LPIN1: variants seen among roughly 807,000 people sequenced by gnomAD.
LPIN1 encodes lipin 1.
Under a neutral mutation model 107.5 loss-of-function variants are expected in LPIN1, and 71 were observed. The observed-to-expected ratio is 0.66, with a 90% CI of 0.55 to 0.80. LPIN1 has a LOEUF of 0.80. LPIN1 is among the 30% of genes least tolerant of loss of function. The pLI, the probability that LPIN1 is intolerant of heterozygous loss-of-function variation, is 0.00. For missense variants in LPIN1, 1,043 were observed against 1,160.6 expected, an observed-to-expected ratio of 0.90 and a Z score of 1.47; for synonymous variants, 445 against 452.6, an observed-to-expected ratio of 0.98 and a Z score of 0.21.
chr2:11,784,741 G>T (rs929553123), intron 9 of LPIN1, 145 bp from the exon 10 acceptor site: 6 of 791,816 alleles, frequency 7.6e-6, no homozygotes, highest in African/African-American at 3.4e-5. Context: ...TTTCCTTGTC[G>T]TGGTGCTTTA....
intron 6 of LPIN1, among the ~76,000 whole-genome samples, chr2:11,779,023 C>T (rs1047395123): frequency 1.6e-4 from 24 of 152,188 alleles, no homozygotes; most frequent in African/African-American, 5.6e-4. Flanking sequence ...ATTGGCACAT[C>T]ATATAATTTC....
chr2:11,740,722 A>AAAG (rs1410304968), intron 1 of LPIN1, among the ~76,000 whole-genome samples: 1 of 148,400 alleles, frequency 6.7e-6, no homozygotes, highest in African/African-American at 2.5e-5. Context: ...GAAAGAAAAG[A>AAAG]AAAGAAAGAA....
chr2:11,728,755 T>C (rs1283737887), intron 1 of LPIN1, among the ~76,000 whole-genome samples: 1 of 152,210 alleles, frequency 6.6e-6, no homozygotes, highest in Non-Finnish European at 1.5e-5. Flanking sequence ...TAAATACTTT[T>C]ATAATTCTAT....
intron 1 of LPIN1, among the ~76,000 whole-genome samples, chr2:11,756,722 C>T (rs981787552): frequency 2.0e-5 from 3 of 152,068 alleles, no homozygotes; most frequent in African/African-American, 4.8e-5. Flanking sequence ...CGATGCTGTT[C>T]GAGTTGAGTA....
intron 6 of LPIN1, among the ~76,000 whole-genome samples, chr2:11,777,949 G>A (rs902031926): frequency 2.0e-5 from 3 of 152,150 alleles, no homozygotes; most frequent in Non-Finnish European, 4.4e-5. Flanking sequence ...AGTGGATTGC[G>A]GTCACACTTG....
At chr2:11,821,857 G>C (rs1291060166) in intron 20 of LPIN1, among the ~76,000 whole-genome samples, 1 of 152,174 alleles carries the variant, frequency 6.6e-6, no homozygotes, top group African/African-American at 2.4e-5. Flanking sequence ...GGAGGCTGGA[G>C]CCAAGGCCCT....
At chr2:11,713,821 C>A in intron 2 of LPIN1, 1 of 1,501,174 alleles carries the variant, frequency 6.7e-7, no homozygotes, top group Non-Finnish European at 9.0e-7. Context: ...ACGTGAGTGC[C>A]GCTGTGATAG....
intron 1 of LPIN1, among the ~76,000 whole-genome samples, chr2:11,755,851 A>G (rs1023120182): frequency 2.0e-5 from 3 of 151,658 alleles, no homozygotes; most frequent in Non-Finnish European, 4.4e-5. Flanking sequence ...CCTCCTGAGT[A>G]GCTGGGACTA....
chr2:11,792,362 T>C (rs912167703), intron 13 of LPIN1: 28 of 235,522 alleles, frequency 1.2e-4, no homozygotes, highest in African/African-American at 6.3e-4. Flanking sequence ...ACAATTTTTC[T>C]TTTTCTTTTT....
chr2:11,821,287 T>C (rs181947740), intron 20 of LPIN1, among the ~76,000 whole-genome samples: 1,927 of 152,108 alleles, frequency 0.013, 51 homozygotes, highest in African/African-American at 0.044. Context: ...GAGGCTGAGG[T>C]GGGTGGATCA....
At chr2:11,728,596 G>T (rs1254700511) in intron 1 of LPIN1, among the ~76,000 whole-genome samples, 2 of 152,122 alleles carry the variant, frequency 1.3e-5, no homozygotes, top group African/African-American at 4.8e-5. Context: ...ATGTTGCCCA[G>T]GCTGGTCTTG....
intron 17 of LPIN1, among the ~76,000 whole-genome samples, chr2:11,808,263 G>A (rs1679056401): frequency 6.6e-6 from 1 of 152,128 alleles, no homozygotes; most frequent in African/African-American, 2.4e-5. Context: ...AGCCTCCAGA[G>A]CCAACCACTG....
intron 20 of LPIN1, among the ~76,000 whole-genome samples, chr2:11,822,078 T>C (rs1681618513): frequency 6.6e-6 from 1 of 152,144 alleles, no homozygotes; most frequent in African/African-American, 2.4e-5. Context: ...ATCTGTGTTA[T>C]AGTCTGTTTT....
intron 1 of LPIN1, among the ~76,000 whole-genome samples, chr2:11,748,179 G>T (rs1380124576): frequency 6.6e-6 from 1 of 152,220 alleles, no homozygotes; most frequent in Non-Finnish European, 1.5e-5. Context: ...ATTAGGTGGG[G>T]ACAATTGGCC....
chr2:11,774,057 G>A lies in LPIN1; in HGVS notation c.722+312G>A, dbSNP rs1471446317. Among the ~76,000 whole-genome samples, 1 of 152,232 alleles carries A rather than the reference G, an allele frequency of 6.6e-6. No individual in the cohort carries two copies. Among genetic ancestry groups the A allele is most frequent in the East Asian group, 1.9e-4 (1 of 5,202 alleles). ...AAAACACAGTGGCAGAGCCTTTCTT[G>A]ATACTTAGCCCTAAGTAAAATTCAA... On this transcript the variant is annotated intron_variant, in intron 5 of 20. Transcript: ENST00000674199. The surrounding 1 kb of genome is among the most constrained non-coding windows in gnomAD (Gnocchi z 4.4).
chr2:11,731,388 T>C (rs13145421), intron 1 of LPIN1, among the ~76,000 whole-genome samples: 2 of 152,248 alleles, frequency 1.3e-5, no homozygotes, highest in Non-Finnish European at 2.9e-5. Flanking sequence ...TCCATGTCCC[T>C]GCAAAGGACA....
Position 11,691,664 on chromosome 2 carries a change from G to C in LPIN1, c.81+13936G>C, listed in dbSNP as rs181352412. ...ATACTGTGGGCTTGGATCAGAGGGGGTGATTCAAAATACAAGTTCACTATA... is the reference window on the plus strand; with the variant it reads ...ATACTGTGGGCTTGGATCAGAGGGGCTGATTCAAAATACAAGTTCACTATA... On this transcript the variant is annotated intron_variant, in intron 1 of 21. Coordinates refer to the LPIN1 transcript ENST00000449576. Among the ~76,000 whole-genome samples, 86 of 152,294 alleles carry C rather than the reference G, an allele frequency of 5.6e-4. 1 individual carries two copies. The highest frequency in any genetic ancestry group is 1.2e-3 in the Admixed American group (18 of 15,308).
chr2:11,783,747 TA>T, intron 8 of LPIN1, 81 bp from the exon 9 acceptor site: 1 of 1,163,196 alleles, frequency 8.6e-7, no homozygotes, highest in Non-Finnish European at 1.3e-6. Flanking sequence ...ACATAGTGTT[TA>T]AATGCTGTTT....
intron 1 of LPIN1, among the ~76,000 whole-genome samples, chr2:11,701,658 A>G (rs4233903): frequency 0.92 from 140,670 of 152,266 alleles, 65,660 homozygotes; most frequent in Non-Finnish European, 0.99. Flanking sequence ...CTTAATCCTC[A>G]CGACAACAGT....
Sources: allele counts gnomAD v4.1 joint callset (sites outside exome capture counted in the v4.1 genomes callset), GRCh38; gene constraint gnomAD v4.1.1; non-coding constraint Gnocchi (gnomAD v3.1); transcripts MANE v1.5; gene names NCBI Gene and HGNC (gene_info 2026-07-23, HGNC 2026-07-21).